The following SLC2A13 variants were observed in gnomAD, a reference collection of about 807,000 sequenced individuals.
SLC2A13 encodes the protein proton myo-inositol cotransporter.
Under a neutral mutation model 64.4 loss-of-function variants are expected in SLC2A13, and 32 were observed. That is an observed-to-expected ratio of 0.50 (90% CI 0.37 to 0.67). SLC2A13 has a LOEUF of 0.67. SLC2A13 is among the 30% of genes least tolerant of loss of function. The pLI, the probability that SLC2A13 is intolerant of heterozygous loss-of-function variation, is 0.00. For synonymous variants in SLC2A13, 338 were observed against 327.1 expected, an observed-to-expected ratio of 1.03 and a Z score of -0.36; for missense variants, 743 against 829.2, an observed-to-expected ratio of 0.90 and a Z score of 1.28.
chr12:39,909,079 T>C (rs1460396702), intron 4 of SLC2A13, among the ~76,000 whole-genome samples: 1 of 151,952 alleles, frequency 6.6e-6, no homozygotes, highest in African/African-American at 2.4e-5. Flanking sequence ...CAGTGACATA[T>C]ATGTATTTTT....
intron 4 of SLC2A13, among the ~76,000 whole-genome samples, chr12:39,942,479 G>A (rs1381659503): frequency 6.6e-6 from 1 of 152,140 alleles, no homozygotes; most frequent in Admixed American, 6.5e-5. Flanking sequence ...AGCTATTGTA[G>A]AAGGGGTTGA....
chr12:40,098,882 C>A (rs1241524252), intron 1 of SLC2A13, among the ~76,000 whole-genome samples: 1 of 152,154 alleles, frequency 6.6e-6, no homozygotes, highest in Non-Finnish European at 1.5e-5. Context: ...CAATCCACAC[C>A]CTGCCAAGAG....
intron 6 of SLC2A13, among the ~76,000 whole-genome samples, chr12:39,863,810 G>A (rs1277989886): frequency 1.3e-5 from 2 of 152,156 alleles, no homozygotes; most frequent in East Asian, 3.8e-4. Flanking sequence ...CCTCACTGTT[G>A]TAATGAACAG....
At chr12:39,962,518 G>A (rs779160397) in intron 3 of SLC2A13, among the ~76,000 whole-genome samples, 1 of 152,166 alleles carries the variant, frequency 6.6e-6, no homozygotes, top group South Asian at 2.1e-4. Context: ...ATGCATCTCT[G>A]CCTGAACTCC....
chr12:39,792,254 C>A (rs533844434), intron 7 of SLC2A13, among the ~76,000 whole-genome samples: 1 of 142,686 alleles, frequency 7.0e-6, no homozygotes, highest in Non-Finnish European at 1.5e-5. Flanking sequence ...AAACGTTAGA[C>A]CTAAAACCAT....
chr12:39,827,701 T>G (rs1942733946), intron 7 of SLC2A13, among the ~76,000 whole-genome samples: 2 of 152,178 alleles, frequency 1.3e-5, no homozygotes, highest in South Asian at 4.1e-4. Context: ...TTTTAAGTTT[T>G]CATTGAAATT....
intron 3 of SLC2A13, among the ~76,000 whole-genome samples, chr12:39,971,997 A>AAAAT (rs1375405006): frequency 5.2e-5 from 4 of 77,352 alleles, no homozygotes; most frequent in African/African-American, 1.9e-4. Context: ...AAAAAAAAAA[A>AAAAT]ATATATATAT....
intron 2 of SLC2A13, among the ~76,000 whole-genome samples, chr12:40,033,356 C>T (rs1012071181): frequency 6.6e-6 from 1 of 152,244 alleles, no homozygotes; most frequent in Non-Finnish European, 1.5e-5. Context: ...ATTATTCCCT[C>T]ACCTCTGTTA....
intron 1 of SLC2A13, among the ~76,000 whole-genome samples, chr12:40,078,970 G>A (rs187851997): frequency 8.3e-4 from 126 of 152,124 alleles, no homozygotes; most frequent in Non-Finnish European, 1.6e-3. Context: ...ATTTCTGTGG[G>A]GTTGGTGGTA....
chr12:40,059,738 G>A (rs551499257), intron 1 of SLC2A13, among the ~76,000 whole-genome samples: 1 of 152,222 alleles, frequency 6.6e-6, no homozygotes, highest in Admixed American at 6.5e-5. Flanking sequence ...ATATCAAAAT[G>A]TGATCGGACA....
chr12:39,958,739 T>C (rs1209875324), intron 3 of SLC2A13, among the ~76,000 whole-genome samples: 1 of 152,180 alleles, frequency 6.6e-6, no homozygotes, highest in African/African-American at 2.4e-5. Context: ...TTGGGTAATC[T>C]GTTTTACTCA....
At position 39,756,215 on chromosome 12, in the gene SLC2A13, T is replaced by G. The variant is rs992040707; in HGVS notation, c.*3811A>C. 6.6e-6 allele frequency: 1 copy of G among 151,980 alleles called. No individual in the cohort carries two copies. Among genetic ancestry groups the G allele is most frequent in the Non-Finnish European group, 1.5e-5 (1 of 67,796 alleles). 9.4% of individuals were successfully genotyped at this position (151,980 alleles called of 1,614,324 possible). ...CCTTCTTATTGGCAGCAGCTACATA[T>G]GAGCTATAAATTTTAACCACAATTT... On this transcript the variant is annotated 3_prime_UTR_variant, in exon 10 of 10. Coordinates refer to ENST00000280871, the MANE Select transcript of SLC2A13 (RefSeq NM_052885.4).
intron 7 of SLC2A13, among the ~76,000 whole-genome samples, chr12:39,809,062 T>A (rs1199142426): frequency 6.6e-6 from 1 of 152,164 alleles, no homozygotes; most frequent in Admixed American, 6.6e-5. Flanking sequence ...AGGTCTATGA[T>A]GTATATTGAG....
At chr12:39,865,143 T>C (rs572324616) in intron 5 of SLC2A13, among the ~76,000 whole-genome samples, 20 of 152,142 alleles carry the variant, frequency 1.3e-4, no homozygotes, top group Non-Finnish European at 2.6e-4. Flanking sequence ...AAACAGTAAA[T>C]TGGTAATGAT....
chr12:40,028,095 C>T (rs1352919061), intron 3 of SLC2A13, among the ~76,000 whole-genome samples: 1 of 151,786 alleles, frequency 6.6e-6, no homozygotes, highest in Non-Finnish European at 1.5e-5. Flanking sequence ...ATTTTGAAAA[C>T]AGTTCAATAG....
chr12:39,867,731 A>T (rs1219472646), intron 5 of SLC2A13, among the ~76,000 whole-genome samples: 1 of 152,034 alleles, frequency 6.6e-6, no homozygotes, highest in Non-Finnish European at 1.5e-5. Context: ...CCAGCATTAT[A>T]CTCTTTTGTT....
intron 7 of SLC2A13, among the ~76,000 whole-genome samples, chr12:39,808,693 A>G (rs974583536): frequency 2.6e-5 from 4 of 152,174 alleles, no homozygotes; most frequent in African/African-American, 7.2e-5. Context: ...GTTGAACATT[A>G]TATCTATGTG....
intron 3 of SLC2A13, among the ~76,000 whole-genome samples, chr12:39,994,606 C>T (rs957711114): frequency 1.3e-5 from 2 of 152,118 alleles, no homozygotes; most frequent in Non-Finnish European, 2.9e-5. Context: ...CATATCTGTG[C>T]ATATAGTTTT....
intron 6 of SLC2A13, among the ~76,000 whole-genome samples, chr12:39,861,081 T>A (rs1326573914): frequency 6.6e-6 from 1 of 152,224 alleles, no homozygotes. Context: ...ACTTGCCACG[T>A]TCCTTACTGC....
Sources: gnomAD v4.1 joint callset for allele counts (sites outside exome capture counted in the v4.1 genomes callset) on GRCh38, gnomAD v4.1.1 for gene constraint, MANE v1.5 for transcripts, NCBI Gene and HGNC (gene_info 2026-07-23, HGNC 2026-07-21) for gene names.